HEPH: variants seen among roughly 807,000 people sequenced by gnomAD.
The protein encoded by HEPH is hephaestin.
A neutral mutation model predicts 80.8 loss-of-function variants in HEPH; 69 were observed. The observed-to-expected ratio is 0.85, with a 90% CI of 0.70 to 1.04. The LOEUF is 1.04. HEPH is among the 50% of genes least tolerant of loss of function. HEPH has a pLI of 0.00. For missense variants in HEPH, 1,115 were observed against 891.3 expected (o/e 1.25, Z -3.20); for synonymous variants, 431 against 322.8 (o/e 1.34, Z -3.60).
Position 66,236,181 on chromosome X carries a change from G to A in HEPH, c.2564-18854G>A, listed in dbSNP as rs144571073. On this transcript the variant is annotated intron_variant, in intron 15 of 20. Transcript: ENST00000343002. The stretch of plus-strand genomic sequence containing the variant: ...TTGTGGGAGAGTGCATCCTCTTCTC[G>A]TGCTGGTTTTCAAGGGACAAAAGGT... Among the ~76,000 whole-genome samples, 297 of 111,264 alleles carry A rather than the reference G, an allele frequency of 2.7e-3. 1 individual carries two copies. The highest frequency in any genetic ancestry group is 9.2e-3 in the African/African-American group (282 of 30,592).
chrX:66,258,855 T>C lies in HEPH; in HGVS notation c.2912T>C (p.Leu971Pro). The C allele has an allele frequency of 8.6e-7, 1 of 1,161,026 alleles. No individual in the cohort carries two copies. Among genetic ancestry groups the C allele is most frequent in the Non-Finnish European group, 1.1e-6 (1 of 873,021 alleles). The change falls in exon 18 of 21, where the codon CTC becomes CCC. Residue 971 changes from leucine to proline, a missense_variant. This residue lies in a region of HEPH where 716 missense variants were observed against 523.5 expected (regional missense o/e 1.37). Transcript: ENST00000343002. The stretch of plus-strand genomic sequence containing the variant: ...TTTTTGACAGCAATCAATGGGAAAC[T>C]CTATGCCAACCTTAGGGGTCTTACC... ...SNKMHAINGK[L>P]YANLRGLTMY...
Position 66,207,285 on chromosome X carries a change from C to T in HEPH, c.2382C>T (p.Phe794=), listed in dbSNP as rs754556847. 6 of 1,199,850 alleles carry T rather than the reference C, an allele frequency of 5.0e-6. No homozygotes were observed. The highest frequency in any genetic ancestry group is 6.7e-6 in the Non-Finnish European group (6 of 889,488). Residue 794 remains phenylalanine (F), a synonymous_variant, in exon 14 of 21, where the codon TTC becomes TTT. Transcript: ENST00000343002. ...TCAGGGAATACACTGATGGTACATT[C>T]AGGATCCCTCGGCCAAGGACTGGAC... ...AVFREYTDGT[F]RIPRPRTGPE...
chrX:66,205,687 C>G (rs2088728433), intron 13 of HEPH, among the ~76,000 whole-genome samples: 1 of 109,455 alleles, frequency 9.1e-6, no homozygotes, highest in African/African-American at 3.3e-5. Context: ...CCACCACCTC[C>G]CAGGTTCAAG....
intron 15 of HEPH, among the ~76,000 whole-genome samples, chrX:66,213,125 C>T (rs1231112214): frequency 1.8e-5 from 2 of 109,298 alleles, no homozygotes; most frequent in Non-Finnish European, 3.8e-5. Flanking sequence ...TGCTGGTGCG[C>T]TGTACCCACT....
intron 15 of HEPH, among the ~76,000 whole-genome samples, chrX:66,243,764 G>A (rs2090699336): frequency 8.9e-6 from 1 of 112,444 alleles, no homozygotes. Context: ...AGTGTCAATG[G>A]TCTACGTATT....
chrX:66,205,812 GT>G (rs2088740066), intron 13 of HEPH, among the ~76,000 whole-genome samples: 2 of 110,597 alleles, frequency 1.8e-5, no homozygotes, highest in Admixed American at 1.9e-4. Flanking sequence ...AATTGTTTCA[GT>G]TTTTGGAAAT....
chrX:66,208,255 G>C lies in HEPH; in HGVS notation c.2563+9G>C. ...ACTGGCTGCTGAGCCTGGTGAGTGG[G>C]GACACTTAGTGAAAGAACAAAGGAC... On this transcript the variant is annotated intron_variant, in intron 15 of 20. Coordinates refer to ENST00000343002, the MANE Select transcript of HEPH (RefSeq NM_001367233.3). 8.3e-7 allele frequency: 1 copy of C among 1,200,209 alleles called. No individual in the cohort carries two copies. The highest frequency in any genetic ancestry group is 3.0e-5 in the East Asian group (1 of 33,588).
Position 66,189,688 on chromosome X carries a change from C to T in HEPH, c.813C>T (p.Ile271=). 1 of 1,205,837 alleles carries T rather than the reference C, an allele frequency of 8.3e-7. No individual in the cohort carries two copies. Among genetic ancestry groups the T allele is most frequent in the Non-Finnish European group, 1.1e-6 (1 of 891,122 alleles). The change falls in exon 6 of 21, where the codon ATC becomes ATT. Residue 271 remains isoleucine, a synonymous_variant. Transcript: ENST00000343002. ...TFQESNRMHA[I]NGFVFGNLPE... is the part of the protein sequence containing the mutation. ...TCTTTGGGTTTTCTTTTGCAGCAAT[C>T]AATGGCTTTGTTTTTGGGAATTTAC...
intron 17 of HEPH, among the ~76,000 whole-genome samples, chrX:66,256,616 A>G (rs1352520225): frequency 8.9e-6 from 1 of 111,803 alleles, no homozygotes; most frequent in Admixed American, 9.5e-5. Context: ...AGAAGGCAAA[A>G]TGGACATGTA....
chrX:66,236,898 T>G (rs765146388), intron 15 of HEPH, among the ~76,000 whole-genome samples: 2 of 111,887 alleles, frequency 1.8e-5, no homozygotes, highest in African/African-American at 6.5e-5. Context: ...TTGTCTAGTT[T>G]ATGTGCATAG....
intron 15 of HEPH, among the ~76,000 whole-genome samples, chrX:66,217,193 TTCCTC>T (rs1309638785): frequency 3.6e-5 from 4 of 111,148 alleles, no homozygotes; most frequent in African/African-American, 1.3e-4. Context: ...ACTTGGGAAA[TTCCTC>T]TCAAACAGAT....
At chrX:66,166,947 A>G (rs183409736) in intron 1 of HEPH, among the ~76,000 whole-genome samples, 1 of 112,418 alleles carries the variant, frequency 8.9e-6, no homozygotes, top group African/African-American at 3.2e-5. Flanking sequence ...TTTCCAAACT[A>G]TTTCCTTACT....
At chrX:66,261,298 A>C (rs1422191165) in intron 19 of HEPH, among the ~76,000 whole-genome samples, 1 of 112,076 alleles carries the variant, frequency 8.9e-6, no homozygotes, top group Non-Finnish European at 1.9e-5. Flanking sequence ...GGGTGGAAAC[A>C]ACTTTTTCTT....
rs753109475 is a variant in HEPH, at chrX:66,263,625, C to CT, written c.3200-13dup. 2.5e-6 allele frequency: 3 copies of CT among 1,208,501 alleles called. No individual in the cohort carries two copies. Among genetic ancestry groups the CT allele is most frequent in the East Asian group, 5.9e-5 (2 of 33,706 alleles). On this transcript the variant is annotated intron_variant, in intron 19 of 20. Coordinates refer to ENST00000343002, the MANE Select transcript of HEPH (RefSeq NM_001367233.3). ...AAGAACAATAAGGCTAACCTCTTGT[C>CT]TTTTTTCCCCCCAACCAGAACACTT...
chrX:66,265,088 T>C (rs1335579977), intron 20 of HEPH, among the ~76,000 whole-genome samples: 1 of 110,396 alleles, frequency 9.1e-6, no homozygotes, highest in Admixed American at 9.8e-5. Context: ...AAAAGGAGTA[T>C]GTGGTAGAAT....
intron 15 of HEPH, among the ~76,000 whole-genome samples, chrX:66,235,248 G>A (rs1372157444): frequency 9.0e-6 from 1 of 111,679 alleles, no homozygotes; most frequent in African/African-American, 3.3e-5. Context: ...TACTTCCTGT[G>A]TCTTCGTCAT....
chrX:66,264,866 T>TTA (rs1195753842), intron 20 of HEPH, among the ~76,000 whole-genome samples: 2 of 106,495 alleles, frequency 1.9e-5, no homozygotes, highest in African/African-American at 6.7e-5. Flanking sequence ...ATTTTAAATA[T>TTA]TATATATATA....
At position 66,260,106 on chromosome X, in the gene HEPH, G is replaced by A. The variant is rs777968202; in HGVS notation, c.3043G>A (p.Glu1015Lys). Residue 1015 changes from glutamate to lysine, a missense_variant, in exon 19 of 21, where the codon GAG (glutamate) becomes AAG (lysine). Glu to Lys is a moderately conservative substitution (Grantham distance 56, BLOSUM62 1). Around this residue, in one of 3 missense-constraint regions of HEPH, gnomAD observed 716 missense variants for 523.5 expected, o/e 1.37. Coordinates refer to ENST00000343002, the MANE Select transcript of HEPH (RefSeq NM_001367233.3). ...HAESFLYRNG[E>K]NYRADVVDLF... ...TTCCCAATCTCTCTTGCAGAATGGC[G>A]AGAACTACCGGGCAGATGTGGTGGA... 37 of 1,204,081 alleles carry A rather than the reference G, an allele frequency of 3.1e-5. No individual in the cohort carries two copies. The highest frequency in any genetic ancestry group is 2.3e-4 in the Middle Eastern group (1 of 4,348).
chrX:66,180,409 T>C (rs1362203807), intron 4 of HEPH, among the ~76,000 whole-genome samples: 1 of 111,051 alleles, frequency 9.0e-6, no homozygotes, highest in Non-Finnish European at 1.9e-5. Context: ...GATAATTGTT[T>C]TGTTTGTGGA....
Sources: gnomAD v4.1 joint callset for allele counts (sites outside exome capture counted in the v4.1 genomes callset) on GRCh38, gnomAD v4.1.1 for gene constraint, gnomAD v4.1.1 regional missense constraint, MANE v1.5 for transcripts, NCBI Gene and HGNC (gene_info 2026-07-23, HGNC 2026-07-21) for gene names.